SNX7: variants seen among roughly 807,000 people sequenced by gnomAD.
SNX7 encodes the protein sorting nexin 7, also known as sorting nexin-7.
A neutral mutation model predicts 48.4 loss-of-function variants in SNX7; 35 were observed. The observed-to-expected ratio is 0.72, with a 90% CI of 0.55 to 0.96. The LOEUF (loss-of-function observed/expected upper bound fraction) is 0.96. Ranked by LOEUF, SNX7 falls within the 40% of genes least tolerant of loss-of-function variation. The pLI, the probability that SNX7 is intolerant of heterozygous loss-of-function variation, is 0.00. For synonymous variants in SNX7, 190 were observed against 190.2 expected, an observed-to-expected ratio of 1.00 and a Z score of 0.01; for missense variants, 553 against 548.9, an observed-to-expected ratio of 1.01 and a Z score of -0.07.
At chr1:98,689,404 T>C in intron 2 of SNX7, among the ~76,000 whole-genome samples, 1 of 152,222 alleles carries the variant, frequency 6.6e-6, no homozygotes, top group East Asian at 1.9e-4. Context: ...CTTGCACTTA[T>C]CCTCTGTTTT....
At chr1:98,730,404 G>T (rs1164197018) in intron 7 of SNX7, among the ~76,000 whole-genome samples, 1 of 152,030 alleles carries the variant, frequency 6.6e-6, no homozygotes, top group Non-Finnish European at 1.5e-5. Flanking sequence ...GGAAGTTCTG[G>T]CCGGGGCAGT....
chr1:98,732,950 T>C (rs917318433), intron 7 of SNX7, among the ~76,000 whole-genome samples: 1 of 152,134 alleles, frequency 6.6e-6, no homozygotes, highest in Non-Finnish European at 1.5e-5. Context: ...TAATTTAAAA[T>C]GTCAGGTCTG....
chr1:98,679,512 A>C (rs1650359567), intron 1 of SNX7, among the ~76,000 whole-genome samples: 1 of 152,192 alleles, frequency 6.6e-6, no homozygotes, highest in African/African-American at 2.4e-5. Flanking sequence ...AAAAGTCTGC[A>C]GTCCAAAGTC....
intron 7 of SNX7, among the ~76,000 whole-genome samples, chr1:98,734,515 C>G (rs1653678198): frequency 6.6e-6 from 1 of 152,110 alleles, no homozygotes; most frequent in Admixed American, 6.6e-5. Flanking sequence ...CTTCTTTCTT[C>G]TAGTTTCCCA....
chr1:98,682,363 T>C (rs990222573), intron 1 of SNX7, among the ~76,000 whole-genome samples: 4 of 152,212 alleles, frequency 2.6e-5, no homozygotes, highest in African/African-American at 9.6e-5. Flanking sequence ...CCCTTTACTT[T>C]GATCTTCTGT....
chr1:98,709,326 A>G (rs1159921601), intron 7 of SNX7, among the ~76,000 whole-genome samples: 1 of 152,214 alleles, frequency 6.6e-6, no homozygotes, highest in African/African-American at 2.4e-5. Context: ...TGTTAAAATA[A>G]GAAAAAAGAA....
At chr1:98,675,334 A>T (rs1296370765) in intron 1 of SNX7, among the ~76,000 whole-genome samples, 2 of 152,090 alleles carry the variant, frequency 1.3e-5, no homozygotes, top group Non-Finnish European at 2.9e-5. Context: ...AGTCAGTTTT[A>T]TTGAGGTTTT....
At chr1:98,667,569 A>G (rs1157171673) in intron 1 of SNX7, among the ~76,000 whole-genome samples, 2 of 150,246 alleles carry the variant, frequency 1.3e-5, no homozygotes, top group Admixed American at 6.7e-5. Flanking sequence ...TTTAGTAGAG[A>G]TGGGGTTTTG....
At chr1:98,666,240 A>G (rs1170365892) in intron 1 of SNX7, among the ~76,000 whole-genome samples, 1 of 152,204 alleles carries the variant, frequency 6.6e-6, no homozygotes, top group East Asian at 1.9e-4. Context: ...CAAACAAGGA[A>G]TACTGAGGCA....
At position 98,695,545 on chromosome 1, in the gene SNX7, C is replaced by T. The variant is rs376791566; in HGVS notation, c.667C>T (p.Pro223Ser). The T allele has an allele frequency of 6.2e-7, 1 of 1,614,078 alleles. No individual in the cohort carries two copies. Among genetic ancestry groups the T allele is most frequent in the South Asian group, 1.1e-5 (1 of 91,066 alleles). Residue 223 changes from proline (P) to serine (S), a missense_variant, in exon 5 of 9, where the codon CCT becomes TCT. Coordinates refer to ENST00000306121, the MANE Select transcript of SNX7 (RefSeq NM_015976.5). ...WELSSHKKQGPGLLSRMGQTV... is the reference protein window; with the variant it reads ...WELSSHKKQGSGLLSRMGQTV... Reference sequence around the variant, plus strand: ...ACTCTCTTCTCACAAGAAGCAAGGTCCTGGCTTGCTAAGCAGGATGGGGCA... The same window carrying T: ...ACTCTCTTCTCACAAGAAGCAAGGTTCTGGCTTGCTAAGCAGGATGGGGCA...
intron 1 of SNX7, among the ~76,000 whole-genome samples, chr1:98,682,746 G>A (rs1001760002): frequency 6.6e-6 from 1 of 152,200 alleles, no homozygotes; most frequent in Non-Finnish European, 1.5e-5. Flanking sequence ...GGTGATGGAT[G>A]CTTGTAGGAG....
At chr1:98,723,818 A>G (rs967404681) in intron 7 of SNX7, among the ~76,000 whole-genome samples, 2 of 152,032 alleles carry the variant, frequency 1.3e-5, no homozygotes, top group South Asian at 2.1e-4. Context: ...CTGAGATCGC[A>G]TGACTGCACT....
intron 8 of SNX7, among the ~76,000 whole-genome samples, chr1:98,746,344 A>G (rs2101046640): frequency 6.6e-6 from 1 of 152,264 alleles, no homozygotes. Context: ...TTCCACTGAT[A>G]GAGGATGGCA....
intron 8 of SNX7, among the ~76,000 whole-genome samples, chr1:98,740,630 C>G (rs553419711): frequency 3.3e-4 from 50 of 152,240 alleles, no homozygotes; most frequent in South Asian, 1.7e-3. Context: ...CCGTACTTCT[C>G]ACATAAAAAT....
At chr1:98,745,328 A>G (rs2101045147) in intron 8 of SNX7, among the ~76,000 whole-genome samples, 1 of 152,158 alleles carries the variant, frequency 6.6e-6, no homozygotes, top group East Asian at 1.9e-4. Flanking sequence ...TTATTATGAA[A>G]CAAAGAAGTT....
chr1:98,696,511 G>T (rs114050352), intron 5 of SNX7, among the ~76,000 whole-genome samples: 5 of 151,732 alleles, frequency 3.3e-5, no homozygotes. Context: ...AAAAAACCAC[G>T]AATGAACATA....
At chr1:98,734,677 G>A (rs991381072) in intron 7 of SNX7, among the ~76,000 whole-genome samples, 8 of 152,126 alleles carry the variant, frequency 5.3e-5, no homozygotes, top group Admixed American at 1.3e-4. Flanking sequence ...AGTCACCATC[G>A]TAGAAACATA....
At chr1:98,700,399 G>C (rs115241289) in intron 6 of SNX7, among the ~76,000 whole-genome samples, 1 of 152,118 alleles carries the variant, frequency 6.6e-6, no homozygotes. Flanking sequence ...GACTGAATTA[G>C]AGAGTGAGTC....
At chr1:98,704,981 TG>T (rs1220042522) in intron 7 of SNX7, among the ~76,000 whole-genome samples, 2 of 152,260 alleles carry the variant, frequency 1.3e-5, no homozygotes, top group Non-Finnish European at 2.9e-5. Context: ...GTGTGGATTT[TG>T]TGGCATGCAA....
Sources: gnomAD v4.1 joint callset for allele counts (sites outside exome capture counted in the v4.1 genomes callset) on GRCh38, gnomAD v4.1.1 for gene constraint, MANE v1.5 for transcripts, NCBI Gene and HGNC (gene_info 2026-07-23, HGNC 2026-07-21) for gene names.